Variants in EXOC6B observed in about 807,000 individuals in gnomAD.
The protein encoded by EXOC6B is SEC15 homolog B.
A neutral mutation model predicts 113.5 loss-of-function variants in EXOC6B; 54 were observed. The ratio of observed to expected loss-of-function variants is 0.48; its 90% CI spans 0.38 to 0.60. The LOEUF (loss-of-function observed/expected upper bound fraction) is 0.60. EXOC6B is among the 20% of genes least tolerant of loss of function. The pLI is 0.00. For synonymous variants in EXOC6B, 357 were observed against 339.0 expected (o/e 1.05, Z -0.58); for missense variants, 797 against 977.5 (o/e 0.82, Z 2.46).
rs190536586 is a variant in EXOC6B at position 72,784,531 on chromosome 2, G to A, written c.113+41267C>T. 1.8e-3 allele frequency among the ~76,000 whole-genome samples: 274 copies of A among 152,272 alleles called. 2 individuals carry two copies. The highest frequency in any genetic ancestry group is 6.4e-3 in the African/African-American group (265 of 41,554). ...ACTTACAGTTCCACATGGCTGGGGA[G>A]GCCTCAAAATCAAGGTGGGAGGTGA... On this transcript the variant is annotated intron_variant, in intron 1 of 21. Coordinates refer to ENST00000272427, the MANE Select transcript of EXOC6B (RefSeq NM_015189.3).
At chr2:72,433,480 T>C (rs2105306255) in intron 18 of EXOC6B, among the ~76,000 whole-genome samples, 1 of 152,352 alleles carries the variant, frequency 6.6e-6, no homozygotes, top group South Asian at 2.1e-4. Context: ...GCATTCAATG[T>C]ATAAATTACT....
At chr2:72,477,599 C>G (rs1266075610) in intron 17 of EXOC6B, among the ~76,000 whole-genome samples, 1 of 152,184 alleles carries the variant, frequency 6.6e-6, no homozygotes, top group Non-Finnish European at 1.5e-5. Context: ...CAGATCATTA[C>G]CCCCCACAAC....
chr2:72,599,782 A>C (rs1431225726), intron 6 of EXOC6B, among the ~76,000 whole-genome samples: 1 of 152,128 alleles, frequency 6.6e-6, no homozygotes, highest in Non-Finnish European at 1.5e-5. Context: ...GAAATTCAAA[A>C]CCCAGTGCCA....
At chr2:72,246,571 A>G (rs887027142) in intron 20 of EXOC6B, among the ~76,000 whole-genome samples, 17 of 148,240 alleles carry the variant, frequency 1.1e-4, no homozygotes, top group Non-Finnish European at 1.9e-4. Context: ...GCAGTGGCGC[A>G]ATCTCAGCTC....
chr2:72,385,122 T>C (rs1303868923), intron 18 of EXOC6B, among the ~76,000 whole-genome samples: 2 of 152,214 alleles, frequency 1.3e-5, no homozygotes, highest in East Asian at 3.9e-4. Context: ...AATACAAATC[T>C]ATAGTAATCA....
intron 8 of EXOC6B, among the ~76,000 whole-genome samples, chr2:72,548,965 T>C (rs1703056582): frequency 6.6e-6 from 1 of 152,058 alleles, no homozygotes; most frequent in East Asian, 1.9e-4. Flanking sequence ...TGAGCCAAGA[T>C]CGCGCCACTG....
intron 11 of EXOC6B, among the ~76,000 whole-genome samples, chr2:72,510,301 A>G (rs570832956): frequency 2.0e-5 from 3 of 152,112 alleles, no homozygotes; most frequent in Non-Finnish European, 4.4e-5. Context: ...AGTTTGGGAG[A>G]GCAAATGAGC....
intron 6 of EXOC6B, among the ~76,000 whole-genome samples, chr2:72,599,804 A>AC (rs1670297588): frequency 6.6e-6 from 1 of 152,148 alleles, no homozygotes; most frequent in African/African-American, 2.4e-5. Flanking sequence ...TTACATTAGC[A>AC]CCCCAAAGAA....
At chr2:72,761,047 G>C (rs1214627809) in intron 1 of EXOC6B, among the ~76,000 whole-genome samples, 1 of 152,100 alleles carries the variant, frequency 6.6e-6, no homozygotes, top group Non-Finnish European at 1.5e-5. Flanking sequence ...GGGTGTGGTG[G>C]TGTGCACCTA....
rs374543392 is a variant in EXOC6B at position 72,293,731 on chromosome 2, A to T, written c.2196+41216T>A. The stretch of plus-strand genomic sequence containing the variant: ...ATAAGTAATACAGTCCTAACTCCTT[A>T]CTTGGATATAAGAGCATTAATTTTC... On this transcript the variant is annotated intron_variant, in intron 20 of 21. Coordinates refer to ENST00000272427, the MANE Select transcript of EXOC6B (RefSeq NM_015189.3). Among the ~76,000 whole-genome samples the T allele has an allele frequency of 4.6e-5, 7 of 152,308 alleles. No homozygotes were observed. In the East Asian group the frequency reaches 7.7e-4, roughly 17 times the overall value.
At chr2:72,610,960 G>C (rs1396631082) in intron 6 of EXOC6B, among the ~76,000 whole-genome samples, 1 of 152,090 alleles carries the variant, frequency 6.6e-6, no homozygotes, top group Non-Finnish European at 1.5e-5. Flanking sequence ...ATGATTAAAA[G>C]GGCACTTCAT....
intron 8 of EXOC6B, among the ~76,000 whole-genome samples, chr2:72,551,923 C>A (rs1168662543): frequency 6.6e-6 from 1 of 152,170 alleles, no homozygotes. Context: ...AAGCATAAGG[C>A]ATTAACTTTT....
chr2:72,737,903 G>A (rs769693692), intron 2 of EXOC6B, among the ~76,000 whole-genome samples: 37 of 152,054 alleles, frequency 2.4e-4, no homozygotes, highest in Non-Finnish European at 4.4e-4. Context: ...ATTTTAAAAT[G>A]ATGAAACATT....
intron 1 of EXOC6B, among the ~76,000 whole-genome samples, chr2:72,777,486 A>C (rs942966696): frequency 6.6e-6 from 1 of 152,126 alleles, no homozygotes; most frequent in Non-Finnish European, 1.5e-5. Flanking sequence ...ATCCTCTGAA[A>C]TGAAAAAGAA....
In EXOC6B at chr2:72,697,132, A is replaced by ATATAGATATAGT. The variant is rs1247025614; in HGVS notation, c.669+20970_669+20971insACTATATCTATA. ...GATATAGATATAGATATAGATATAG[A>ATATAGATATAGT]TATAGATATAGATATAGATATGGGG... On this transcript the variant is annotated intron_variant, in intron 6 of 21. Transcript: ENST00000272427. Among the ~76,000 whole-genome samples the ATATAGATATAGT allele has an allele frequency of 2.0e-5, 3 of 152,046 alleles. No homozygotes were observed. The East Asian group carries it at 5.8e-4, about 29-fold the overall frequency.
At chr2:72,185,263 A>G (rs1359606116) in intron 20 of EXOC6B, among the ~76,000 whole-genome samples, 1 of 152,246 alleles carries the variant, frequency 6.6e-6, no homozygotes, top group Non-Finnish European at 1.5e-5. Flanking sequence ...CTGGTTGTGC[A>G]GAACAAAGGC....
At chr2:72,565,467 C>T (rs1041410468) in intron 7 of EXOC6B, among the ~76,000 whole-genome samples, 1 of 150,070 alleles carries the variant, frequency 6.7e-6, no homozygotes, top group African/African-American at 2.5e-5. Flanking sequence ...GCAAAAGAGG[C>T]AATTTTGCAC....
intron 6 of EXOC6B, among the ~76,000 whole-genome samples, chr2:72,673,352 A>T (rs1305528743): frequency 6.6e-6 from 1 of 152,210 alleles, no homozygotes; most frequent in Non-Finnish European, 1.5e-5. Context: ...GCTATGATTG[A>T]CAATAACCTG....
intron 21 of EXOC6B, among the ~76,000 whole-genome samples, chr2:72,179,965 C>T (rs1356954992): frequency 6.6e-6 from 1 of 152,206 alleles, no homozygotes; most frequent in Non-Finnish European, 1.5e-5. Flanking sequence ...CTGTATATTT[C>T]TAAACCTCAC....
Sources: allele counts gnomAD v4.1 joint callset (sites outside exome capture counted in the v4.1 genomes callset), GRCh38; gene constraint gnomAD v4.1.1; transcripts MANE v1.5; gene names NCBI Gene and HGNC (gene_info 2026-07-23, HGNC 2026-07-21).